TOMM20L: variants seen among roughly 807,000 people sequenced by gnomAD.
TOMM20L encodes the protein translocase of outer mitochondrial membrane 20 like, also known as TOMM20-like protein 1.
TOMM20L carries 19 observed loss-of-function variants against 20.4 expected under a neutral mutation model. That is an observed-to-expected ratio of 0.93 (90% confidence interval 0.65 to 1.36). The LOEUF (loss-of-function observed/expected upper bound fraction) is 1.36. Ranked by LOEUF, TOMM20L falls within the 40% of genes most tolerant of loss-of-function variation. The pLI is 0.00. For synonymous variants in TOMM20L, 75 were observed against 79.6 expected, an observed-to-expected ratio of 0.94 and a Z score of 0.30; for missense variants, 218 against 203.7, an observed-to-expected ratio of 1.07 and a Z score of -0.43.
At chr14:58,400,943 C>A (rs555559475) in intron 2 of TOMM20L, among the ~76,000 whole-genome samples, 15 of 152,266 alleles carry the variant, frequency 9.9e-5, no homozygotes, top group African/African-American at 3.4e-4. Flanking sequence ...TGCTATGTTC[C>A]CTGCAATTTT....
intron 1 of TOMM20L, 91 bp downstream of exon 1, chr14:58,396,184 G>A (rs2035914571): frequency 1.4e-6 from 2 of 1,426,368 alleles, no homozygotes; most frequent in African/African-American, 1.5e-5. Flanking sequence ...GCCGGGCCGT[G>A]AGTGCCTCAG....
chr14:58,402,294 TCTTTC>T (rs2036002110), intron 2 of TOMM20L, among the ~76,000 whole-genome samples: 1 of 152,126 alleles, frequency 6.6e-6, no homozygotes, highest in African/African-American at 2.4e-5. Context: ...TTTTTTCCTT[TCTTTC>T]TTTTTTGTGA....
In TOMM20L at chr14:58,407,309, T is replaced by C; in HGVS notation, c.263-17T>C. 6.4e-7 allele frequency: 1 copy of C among 1,573,054 alleles called. No individual in the cohort carries two copies. The highest frequency in any genetic ancestry group is 8.6e-7 in the Non-Finnish European group (1 of 1,164,768). On this transcript the variant is annotated splice_polypyrimidine_tract_variant and intron_variant, in intron 3 of 4. Transcript: ENST00000360945. ...AGAACTTCAAAATTTTGCTCAAAAC[T>C]TGTCATTCTGTTTCAGGAGAGCACA...
At chr14:58,408,101 C>T (rs2036090949) in intron 4 of TOMM20L, among the ~76,000 whole-genome samples, 1 of 152,090 alleles carries the variant, frequency 6.6e-6, no homozygotes, top group Non-Finnish European at 1.5e-5. Flanking sequence ...GGGATTGTTT[C>T]CTGAAGATAT....
downstream of TOMM20L, among the ~76,000 whole-genome samples, chr14:58,409,629 A>T (rs1191540753): frequency 6.6e-6 from 1 of 152,126 alleles, no homozygotes; most frequent in Non-Finnish European, 1.5e-5. Flanking sequence ...CCCAGGCTTG[A>T]GTGCAGTGGC....
chr14:58,411,446 C>CA (rs1176271404), downstream of TOMM20L, among the ~76,000 whole-genome samples: 68 of 133,334 alleles, frequency 5.1e-4, no homozygotes, highest in African/African-American at 8.8e-4. Flanking sequence ...AGACTGTGTC[C>CA]AAAAAAAAAA....
intron 2 of TOMM20L, among the ~76,000 whole-genome samples, 170 bp downstream of exon 2, chr14:58,396,511 C>A (rs1365020970): frequency 6.6e-6 from 1 of 152,240 alleles, no homozygotes; most frequent in Non-Finnish European, 1.5e-5. Context: ...CAGTCACTCT[C>A]CTCTCACAAA....
chr14:58,409,091 A>G (rs2036123857), downstream of TOMM20L: 10 of 1,613,936 alleles, frequency 6.2e-6, no homozygotes, highest in South Asian at 7.7e-5. Flanking sequence ...TCTGCTGAAT[A>G]TGATATTCCT....
At chr14:58,410,791 T>G (rs374003387), downstream of TOMM20L, 94 of 1,259,838 alleles carry the variant, frequency 7.5e-5, no homozygotes, top group Non-Finnish European at 1.0e-4. Flanking sequence ...GGGATCCTAC[T>G]TAGAGTGTTT....
At chr14:58,405,360 G>A (rs2140304764) in intron 3 of TOMM20L, among the ~76,000 whole-genome samples, 1 of 152,234 alleles carries the variant, frequency 6.6e-6, no homozygotes, top group Admixed American at 6.5e-5. Flanking sequence ...TTATAAGTCA[G>A]AAGAAAAAAG....
At chr14:58,403,613 C>T (rs918276538) in intron 3 of TOMM20L, among the ~76,000 whole-genome samples, 1 of 151,804 alleles carries the variant, frequency 6.6e-6, no homozygotes, top group Non-Finnish European at 1.5e-5. Context: ...CCGAGGTGGG[C>T]GGATCATGAG....
intron 3 of TOMM20L, among the ~76,000 whole-genome samples, chr14:58,404,120 T>TTTTTTTTTTTTTTTA (rs2036027344): frequency 2.9e-4 from 1 of 3,392 alleles, no homozygotes; most frequent in African/African-American, 5.0e-4. Flanking sequence ...TATATATATA[T>TTTTTTTTTTTTTTTA]TTTTTTTTTT....
chr14:58,401,893 C>T (rs1299634921), intron 2 of TOMM20L, among the ~76,000 whole-genome samples: 1 of 152,128 alleles, frequency 6.6e-6, no homozygotes, highest in Non-Finnish European at 1.5e-5. Context: ...GGTGTGAGTA[C>T]AGAAGGCTTA....
At chr14:58,401,222 T>C (rs1213750892) in intron 2 of TOMM20L, among the ~76,000 whole-genome samples, 2 of 152,200 alleles carry the variant, frequency 1.3e-5, no homozygotes, top group Non-Finnish European at 2.9e-5. Context: ...TAAACATCTA[T>C]TGAGTAAAAC....
At chr14:58,415,875 T>G in the TOMM20L span, among the ~76,000 whole-genome samples, 1 of 151,988 alleles carries the variant, frequency 6.6e-6, no homozygotes, top group African/African-American at 2.4e-5. Context: ...CCAAACAGCA[T>G]AAACCCGATG....
intron 2 of TOMM20L, among the ~76,000 whole-genome samples, chr14:58,401,944 A>G (rs976824540): frequency 1.3e-5 from 2 of 152,216 alleles, no homozygotes; most frequent in African/African-American, 4.8e-5. Context: ...TTACTGCTAC[A>G]TGAACAGGTC....
At chr14:58,416,537 G>A in the TOMM20L span, among the ~76,000 whole-genome samples, 2 of 152,088 alleles carry the variant, frequency 1.3e-5, no homozygotes, top group Non-Finnish European at 1.5e-5. Flanking sequence ...TAAAATAATC[G>A]CTCAAGTTTC....
At chr14:58,396,450 C>A (rs2035922948) in intron 2 of TOMM20L, 109 bp downstream of exon 2, 5 of 1,258,438 alleles carry the variant, frequency 4.0e-6, no homozygotes, top group South Asian at 2.6e-5. Context: ...CCCTCAGCCG[C>A]CCGTGCCCGG....
At chr14:58,403,097 C>T (rs2036011528) in intron 3 of TOMM20L, among the ~76,000 whole-genome samples, 1 of 152,204 alleles carries the variant, frequency 6.6e-6, no homozygotes, top group African/African-American at 2.4e-5. Flanking sequence ...TGGCTCATAC[C>T]TGTAATCCCA....
Sources: gnomAD v4.1 joint callset for allele counts (sites outside exome capture counted in the v4.1 genomes callset) on GRCh38, gnomAD v4.1.1 for gene constraint, MANE v1.5 for transcripts, NCBI Gene and HGNC (gene_info 2026-07-23, HGNC 2026-07-21) for gene names.